The following SRCAP variants were observed in gnomAD, a reference collection of about 807,000 sequenced individuals.
The protein encoded by SRCAP is Snf2 related CREBBP activator protein.
SRCAP carries 46 observed loss-of-function variants against 263.1 expected under a neutral mutation model. The ratio of observed to expected loss-of-function variants is 0.17; its 90% CI spans 0.14 to 0.22. The LOEUF (loss-of-function observed/expected upper bound fraction) is 0.22. Among genes scored for constraint, SRCAP ranks in the 10% least tolerant of loss-of-function variants. SRCAP has a pLI of 1.00. For missense variants in SRCAP, 3,695 were observed against 4,181.9 expected (o/e 0.88, Z 3.21); for synonymous variants, 1,813 against 1,662.1 (o/e 1.09, Z -2.21).
At chr16:30,715,589 G>T (rs1307663263) in intron 16 of SRCAP, among the ~76,000 whole-genome samples, 1 of 151,448 alleles carries the variant, frequency 6.6e-6, no homozygotes, top group Non-Finnish European at 1.5e-5. Flanking sequence ...AAGAAAACAG[G>T]AAGTCTTCCT....
chr16:30,738,303 G>C lies in SRCAP; in HGVS notation c.8263G>C (p.Val2755Leu). 3 of 1,596,980 alleles carry C rather than the reference G, an allele frequency of 1.9e-6. No homozygotes were observed. The highest frequency in any genetic ancestry group is 2.6e-6 in the Non-Finnish European group (3 of 1,170,690). ...KVLRKLPGRL[V>L]TVVEEKELVR... is the part of the protein sequence containing the mutation. ...GCTTCGAAAGCTGCCAGGACGGCTGGTAACTGTGGTAGAGGAAAAGGAACT... is the reference window on the plus strand; with the variant it reads ...GCTTCGAAAGCTGCCAGGACGGCTGCTAACTGTGGTAGAGGAAAAGGAACT... Residue 2755 changes from valine (V) to leucine (L), a missense_variant, in exon 34 of 34, where the codon GTA becomes CTA. By Grantham distance (32) the Val-to-Leu change is conservative. Around this residue, in one of 12 missense-constraint regions of SRCAP, gnomAD observed 1,207 missense variants for 1,142.9 expected, o/e 1.06. Coordinates refer to ENST00000262518, the MANE Select transcript of SRCAP (RefSeq NM_006662.3).
At chr16:30,711,474 G>A (rs2151288269) in intron 10 of SRCAP, 97 bp from the exon 11 acceptor site, 2 of 1,290,854 alleles carry the variant, frequency 1.5e-6, no homozygotes, top group Non-Finnish European at 2.1e-6. Flanking sequence ...GGGCCTAGCA[G>A]TATCTACAGA....
chr16:30,734,507 A>G lies in SRCAP; in HGVS notation c.6621A>G (p.Arg2207=). The G allele has an allele frequency of 6.2e-7, 1 of 1,613,938 alleles. No individual in the cohort carries two copies. The highest frequency in any genetic ancestry group is 8.5e-7 in the Non-Finnish European group (1 of 1,179,938). Residue 2207 remains arginine (R), a synonymous_variant, in exon 31 of 34, where the codon CGA becomes CGG. Coordinates refer to ENST00000262518, the MANE Select transcript of SRCAP (RefSeq NM_006662.3). The part of the protein sequence containing the change: ...TTAYFKQQTI[R]ELFDMPLEEP... ...GTTCTATCCGATAGCAGACCATCCG[A>G]GAGCTGTTTGATATGCCCCTGGAGG...
chr16:30,739,433 A>G lies in SRCAP; in HGVS notation c.9393A>G (p.Leu3131=), dbSNP rs371059850. ...RLRPGSLVPP[L]ETEKLPRKRA... is the part of the protein sequence containing the mutation. ...GTCCAGGGTCTCTAGTCCCCCCACTAGAGACTGAGAAGTTGCCTCGCAAAC... is the reference window on the plus strand; with the variant it reads ...GTCCAGGGTCTCTAGTCCCCCCACTGGAGACTGAGAAGTTGCCTCGCAAAC... The change falls in exon 34 of 34, where the codon CTA becomes CTG. Residue 3131 remains leucine (L), a synonymous_variant. Transcript: ENST00000262518. The G allele has an allele frequency of 3.7e-6, 6 of 1,614,038 alleles. No homozygotes were observed. The African/African-American group carries it at 4.0e-5, about 11-fold the overall frequency.
chr16:30,707,630 G>A lies in SRCAP; in HGVS notation c.551G>A (p.Arg184Gln). 3.7e-6 allele frequency: 6 copies of A among 1,614,122 alleles called. No homozygotes were observed. Among genetic ancestry groups the A allele is most frequent in the South Asian group, 2.2e-5 (2 of 91,076 alleles). Residue 184 changes from arginine (R) to glutamine (Q), a missense_variant, in exon 6 of 34, where the codon CGG becomes CAG. Coordinates refer to ENST00000262518, the MANE Select transcript of SRCAP (RefSeq NM_006662.3). ...EEQRQKEERA[R>Q]REEQAKLRRI... ...CAGCGGCAGAAAGAGGAACGGGCCC[G>A]GAGGGAGGAGCAGGCCAAGCTGCGT...
At chr16:30,710,162 G>A (rs1411226115) in intron 8 of SRCAP, 34 bp downstream of exon 8, 7 of 1,597,220 alleles carry the variant, frequency 4.4e-6, no homozygotes, top group Non-Finnish European at 6.0e-6. Flanking sequence ...AGGGTTCAGA[G>A]GGGGAACAGA....
At chr16:30,723,526 G>T in intron 24 of SRCAP, 58 bp from the exon 25 acceptor site, 1 of 1,552,794 alleles carries the variant, frequency 6.4e-7, no homozygotes. Flanking sequence ...AGATGGGACA[G>T]GGAGTAGAAA....
At chr16:30,714,065 T>A (rs1439467728) in intron 16 of SRCAP, among the ~76,000 whole-genome samples, 5 of 129,094 alleles carry the variant, frequency 3.9e-5, no homozygotes, top group Admixed American at 1.5e-4. Context: ...GCCTGGCTAA[T>A]TTTTTTTTTT....
chr16:30,720,714 A>G lies in SRCAP; in HGVS notation c.2989A>G (p.Met997Val). The change falls in exon 20 of 34, where the codon ATG (methionine) becomes GTG (valine). Residue 997 changes from methionine (M) to valine (V), a missense_variant and splice_region_variant. Met to Val is a conservative substitution (Grantham distance 21). Coordinates refer to ENST00000262518, the MANE Select transcript of SRCAP (RefSeq NM_006662.3). ...CACTCTCTTAATTTTTTCTCACAGGATGCTGCAGCCAGTACCTAAGCAAGA... is the reference window on the plus strand; with the variant it reads ...CACTCTCTTAATTTTTTCTCACAGGGTGCTGCAGCCAGTACCTAAGCAAGA... The part of the protein sequence containing the change: ...PKPVKMKVNR[M>V]LQPVPKQEGR... 6.3e-7 allele frequency: 1 copy of G among 1,591,478 alleles called. No individual in the cohort carries two copies. Among genetic ancestry groups the G allele is most frequent in the South Asian group, 1.1e-5 (1 of 88,956 alleles).
Position 30,738,847 on chromosome 16 carries a change from AAAG to A in SRCAP, c.8811_8813del (p.Arg2939del), listed in dbSNP as rs1239066255. 6.2e-7 allele frequency: 1 copy of A among 1,614,118 alleles called. No homozygotes were observed. Among genetic ancestry groups the A allele is most frequent in the Non-Finnish European group, 8.5e-7 (1 of 1,180,014 alleles). ...AATCCCCTCCTGTCACCTGTGGAGA[AAAG>A]AAGGCGAGGACGACCCCCTAAAGCA... On this transcript the variant is annotated inframe_deletion, in exon 34 of 34. Coordinates refer to ENST00000262518, the MANE Select transcript of SRCAP (RefSeq NM_006662.3).
rs1400572478 is a variant in SRCAP, at chr16:30,704,178, C to T, written c.169C>T (p.Leu57=). 6.2e-6 allele frequency: 10 copies of T among 1,614,208 alleles called. No homozygotes were observed. In the Admixed American group the frequency reaches 6.7e-5, roughly 11 times the overall value. ...SPQHIAQDSS[L]DGPPGPPDGA... The stretch of plus-strand genomic sequence containing the variant: ...GCAGCACATAGCTCAAGATTCCTCA[C>T]TGGATGGACCTCCAGGCCCCCCAGA... Residue 57 remains leucine (L), a synonymous_variant, in exon 4 of 34, where the codon CTG becomes TTG. Transcript: ENST00000262518.
chr16:30,717,755 C>T (rs371972951), intron 18 of SRCAP, among the ~76,000 whole-genome samples: 4 of 150,788 alleles, frequency 2.7e-5, no homozygotes, highest in Admixed American at 6.6e-5. Context: ...GATACAGGCA[C>T]GCACCACCAC....
At chr16:30,734,194 T>C in intron 30 of SRCAP, 186 bp downstream of exon 30, 1 of 642,402 alleles carries the variant, frequency 1.6e-6, no homozygotes, top group Non-Finnish European at 2.6e-6. Flanking sequence ...AATACAAAAA[T>C]TAGCCGGGCA....
At chr16:30,721,789 C>T (rs2053014305) in intron 21 of SRCAP, among the ~76,000 whole-genome samples, 1 of 152,170 alleles carries the variant, frequency 6.6e-6, no homozygotes, top group South Asian at 2.1e-4. Flanking sequence ...AGGGAGATGA[C>T]ACATAGATGA....
intron 18 of SRCAP, among the ~76,000 whole-genome samples, chr16:30,718,433 T>C (rs1199765268): frequency 6.6e-6 from 1 of 151,742 alleles, no homozygotes; most frequent in Non-Finnish European, 1.5e-5. Flanking sequence ...CACCTCGGCC[T>C]CCCAAAGTGC....
chr16:30,710,764 C>T lies in SRCAP; in HGVS notation c.1145C>T (p.Pro382Leu), dbSNP rs769970010. 1.2e-6 allele frequency: 2 copies of T among 1,614,210 alleles called. No homozygotes were observed. Among genetic ancestry groups the T allele is most frequent in the South Asian group, 2.2e-5 (2 of 91,078 alleles). Reference sequence around the variant, plus strand: ...TCTTTTGCCATACAGATAAAGCCCCCACCCTCTGCTGTCACACAGCGCAAC... The same window carrying T: ...TCTTTTGCCATACAGATAAAGCCCCTACCCTCTGCTGTCACACAGCGCAAC... ...EPPQVLEIKPPPSAVTQRNKQ... is the reference protein window; with the variant it reads ...EPPQVLEIKPLPSAVTQRNKQ... Residue 382 changes from proline (P) to leucine (L), a missense_variant, in exon 9 of 34, where the codon CCA (proline) becomes CTA (leucine). Physicochemically the swap from Pro to Leu is moderately conservative, Grantham distance 98. Coordinates refer to ENST00000262518, the MANE Select transcript of SRCAP (RefSeq NM_006662.3).
Position 30,729,648 on chromosome 16 carries a change from G to T in SRCAP, c.6127+76G>T, listed in dbSNP as rs1261716671. On this transcript the variant is annotated intron_variant, in intron 27 of 33. Transcript: ENST00000262518. ...ATTAAGACTGTTGTATCAGAGGGAT[G>T]CTGCACTTAAGTTCTCTTGCGATTT... 3 of 1,546,876 alleles carry T rather than the reference G, an allele frequency of 1.9e-6. No homozygotes were observed. The African/African-American group carries it at 4.1e-5, about 21-fold the overall frequency.
chr16:30,738,683 C>T lies in SRCAP; in HGVS notation c.8643C>T (p.Pro2881=), dbSNP rs1360671155. The change falls in exon 34 of 34, where the codon CCC becomes CCT. Residue 2881 remains proline (P), a synonymous_variant. Coordinates refer to ENST00000262518, the MANE Select transcript of SRCAP (RefSeq NM_006662.3). ...CTGGGAGAGGTGTGGATGAGGCACC[C>T]TCATCCACCTTGAAGGGAAAAACCA... ...ADAGRGVDEA[P]SSTLKGKTNG... The T allele has an allele frequency of 1.2e-6, 2 of 1,613,908 alleles. No individual in the cohort carries two copies. Among genetic ancestry groups the T allele is most frequent in the Non-Finnish European group, 1.7e-6 (2 of 1,179,926 alleles).
rs1425746871 is a variant in SRCAP, at chr16:30,723,139, A to G, written c.4069A>G (p.Thr1357Ala). 1 of 1,613,244 alleles carries G rather than the reference A, an allele frequency of 6.2e-7. No homozygotes were observed. Among genetic ancestry groups the G allele is most frequent in the Admixed American group, 1.7e-5 (1 of 59,932 alleles). The change falls in exon 24 of 34, where the codon ACT (threonine) becomes GCT (alanine). Residue 1357 changes from threonine (T) to alanine (A), a missense_variant. By Grantham distance (58) the Thr-to-Ala change is moderately conservative. Around this residue, in one of 12 missense-constraint regions of SRCAP, gnomAD observed 1,347 missense variants for 1,304.4 expected, o/e 1.03. Transcript: ENST00000262518. ...TLTPGRLPTP[T>A]LGTARAPMPT... Reference sequence around the variant, plus strand: ...AACCCCTGGCCGGCTACCCACACCTACTCTGGGTACTGCTCGAGCCCCCAT... The same window carrying G: ...AACCCCTGGCCGGCTACCCACACCTGCTCTGGGTACTGCTCGAGCCCCCAT...
Sources: allele counts gnomAD v4.1 joint callset (sites outside exome capture counted in the v4.1 genomes callset), GRCh38; gene constraint gnomAD v4.1.1; regional missense constraint gnomAD v4.1.1; transcripts MANE v1.5; gene names NCBI Gene and HGNC (gene_info 2026-07-23, HGNC 2026-07-21).